ARHGAP26: variants seen among roughly 807,000 people sequenced by gnomAD.
ARHGAP26 encodes rho GTPase-activating protein 26.
ARHGAP26 carries 38 observed loss-of-function variants against 104.8 expected under a neutral mutation model. The ratio of observed to expected loss-of-function variants is 0.36; its 90% CI spans 0.28 to 0.48. The LOEUF (loss-of-function observed/expected upper bound fraction) is 0.48. Among genes scored for constraint, ARHGAP26 ranks in the 20% least tolerant of loss-of-function variants. ARHGAP26 has a pLI of 0.99. For missense variants in ARHGAP26, 704 were observed against 947.9 expected, an observed-to-expected ratio of 0.74 and a Z score of 3.38; for synonymous variants, 341 against 340.0, an observed-to-expected ratio of 1.00 and a Z score of -0.03.
At chr5:143,067,249 T>G (rs1787631708) in intron 17 of ARHGAP26, among the ~76,000 whole-genome samples, 1 of 152,194 alleles carries the variant, frequency 6.6e-6, no homozygotes, top group Admixed American at 6.5e-5. Context: ...ACTTTCCTTC[T>G]GTTTTACTCA....
At chr5:142,924,191 G>T (rs891689089) in intron 10 of ARHGAP26, among the ~76,000 whole-genome samples, 1 of 152,066 alleles carries the variant, frequency 6.6e-6, no homozygotes, top group South Asian at 2.1e-4. Context: ...TTCTTAGAGG[G>T]TTGACCCTTG....
intron 17 of ARHGAP26, among the ~76,000 whole-genome samples, chr5:143,109,106 A>C (rs551096895): frequency 1.3e-5 from 2 of 152,332 alleles, no homozygotes; most frequent in Admixed American, 1.3e-4. Context: ...GGACTCTACA[A>C]ATATTAATAT....
intron 4 of ARHGAP26, among the ~76,000 whole-genome samples, chr5:142,881,643 C>T (rs903827526): frequency 6.6e-6 from 1 of 152,142 alleles, no homozygotes; most frequent in Non-Finnish European, 1.5e-5. Flanking sequence ...TTCCTCCTGG[C>T]ATGTCCTCCT....
chr5:143,121,090 C>T lies in ARHGAP26; in HGVS notation c.1641C>T (p.Ile547=). Residue 547 remains isoleucine (I), a synonymous_variant, in exon 18 of 23, where the codon ATC becomes ATT. Coordinates refer to ENST00000645722, the MANE Select transcript of ARHGAP26 (RefSeq NM_001135608.3). ...CTCAGGAAGAAACAGTAGCAGCCAT[C>T]ATGGACATCAAATTTCAGAACATTG... ...LRPQEETVAA[I]MDIKFQNIVI... is the part of the protein sequence containing the mutation. 1 of 1,613,566 alleles carries T rather than the reference C, an allele frequency of 6.2e-7. No individual in the cohort carries two copies. The highest frequency in any genetic ancestry group is 1.3e-5 in the African/African-American group (1 of 75,014).
At chr5:142,890,151 A>AAAAAATATAT (rs1252590997) in intron 5 of ARHGAP26, among the ~76,000 whole-genome samples, 1 of 32,428 alleles carries the variant, frequency 3.1e-5, no homozygotes, top group Non-Finnish European at 5.5e-5. Flanking sequence ...AAAAAAAAAA[A>AAAAAATATAT]ATATATATAT....
intron 19 of ARHGAP26, among the ~76,000 whole-genome samples, chr5:143,146,095 A>G (rs1041401549): frequency 1.3e-5 from 2 of 152,176 alleles, no homozygotes; most frequent in Non-Finnish European, 2.9e-5. Context: ...ATTAGCCTAG[A>G]TATGATGTTT....
intron 17 of ARHGAP26, among the ~76,000 whole-genome samples, chr5:143,102,157 A>G (rs933410251): frequency 1.3e-5 from 2 of 152,150 alleles, no homozygotes; most frequent in Non-Finnish European, 1.5e-5. Flanking sequence ...GACCCTCTCT[A>G]CATCTCACAG....
At chr5:143,064,182 C>CCTT (rs1787149870) in intron 17 of ARHGAP26, among the ~76,000 whole-genome samples, 1 of 152,004 alleles carries the variant, frequency 6.6e-6, no homozygotes, top group African/African-American at 2.4e-5. Flanking sequence ...CCAGGGTGTG[C>CCTT]CTTCTCCAGT....
intron 12 of ARHGAP26, among the ~76,000 whole-genome samples, chr5:143,025,515 C>A (rs371209163): frequency 1.3e-5 from 2 of 152,164 alleles, no homozygotes; most frequent in African/African-American, 2.4e-5. Context: ...GCAAAACCAC[C>A]GGGCCTTAAG....
At chr5:143,111,504 G>A (rs558175485) in intron 17 of ARHGAP26, among the ~76,000 whole-genome samples, 20 of 152,314 alleles carry the variant, frequency 1.3e-4, no homozygotes, top group Non-Finnish European at 2.6e-4. Context: ...AAGATCACAT[G>A]AGATAATTGA....
chr5:142,883,145 T>A (rs997639491), intron 4 of ARHGAP26, among the ~76,000 whole-genome samples: 1 of 152,208 alleles, frequency 6.6e-6, no homozygotes, highest in African/African-American at 2.4e-5. Context: ...TTGGGTGTCC[T>A]CTTAAACATG....
intron 22 of ARHGAP26, among the ~76,000 whole-genome samples, chr5:143,218,074 G>A (rs1187516601): frequency 6.6e-6 from 1 of 152,130 alleles, no homozygotes; most frequent in East Asian, 1.9e-4. Context: ...CCCGCCACCT[G>A]TTTTTGTAAA....
chr5:143,122,314 C>T (rs1796234795), intron 18 of ARHGAP26, among the ~76,000 whole-genome samples: 1 of 152,190 alleles, frequency 6.6e-6, no homozygotes, highest in African/African-American at 2.4e-5. Flanking sequence ...CACATTCCTA[C>T]TTCAAGGCCT....
intron 11 of ARHGAP26, among the ~76,000 whole-genome samples, chr5:142,948,145 G>A (rs1337806115): frequency 2.0e-5 from 3 of 152,064 alleles, no homozygotes; most frequent in African/African-American, 7.2e-5. Flanking sequence ...ACTTTCAAGC[G>A]ATTCAGGATG....
intron 20 of ARHGAP26, among the ~76,000 whole-genome samples, chr5:143,179,431 T>C (rs1472037782): frequency 1.3e-5 from 2 of 152,174 alleles, no homozygotes; most frequent in African/African-American, 2.4e-5. Context: ...CTGGGTTGCG[T>C]TGCTTTTTGT....
chr5:142,998,641 C>T (rs1455569040), intron 11 of ARHGAP26, among the ~76,000 whole-genome samples: 1 of 152,068 alleles, frequency 6.6e-6, no homozygotes, highest in Non-Finnish European at 1.5e-5. Context: ...AACTTTAAAC[C>T]ACATTGTTCA....
chr5:142,941,089 AAAAAAAAAAAAG>A (rs1188818214), intron 11 of ARHGAP26, among the ~76,000 whole-genome samples: 1 of 150,202 alleles, frequency 6.7e-6, no homozygotes, highest in Non-Finnish European at 1.5e-5. Context: ...AAAAAAAAAA[AAAAAAAAAAAAG>A]AATCTATATT....
chr5:143,047,040 A>G (rs246657), intron 14 of ARHGAP26, among the ~76,000 whole-genome samples: 34,833 of 152,174 alleles, frequency 0.23, 7,581 homozygotes, highest in African/African-American at 0.57. Context: ...TAGAGTGTCT[A>G]TTGTCACATG....
intron 12 of ARHGAP26, among the ~76,000 whole-genome samples, chr5:143,026,753 T>C (rs1471088569): frequency 3.4e-5 from 4 of 119,282 alleles, no homozygotes; most frequent in African/African-American, 1.3e-4. Flanking sequence ...ATGTATGTTT[T>C]TAAAAGATGA....
Sources: allele counts gnomAD v4.1 joint callset (sites outside exome capture counted in the v4.1 genomes callset), GRCh38; gene constraint gnomAD v4.1.1; transcripts MANE v1.5; gene names NCBI Gene and HGNC (gene_info 2026-07-23, HGNC 2026-07-21).